LRRC63: variants seen among roughly 807,000 people sequenced by gnomAD.
LRRC63 encodes leucine-rich repeat-containing protein 63.
In LRRC63, 40 loss-of-function variants were observed where a neutral mutation model predicts 49.5. The ratio of observed to expected loss-of-function variants is 0.81; its 90% CI spans 0.63 to 1.05. The LOEUF (loss-of-function observed/expected upper bound fraction) is 1.05. LRRC63 is among the 50% of genes least tolerant of loss of function. The probability of loss-of-function intolerance (pLI) is 0.00; values close to 1 mark genes in which losing one functional copy is unlikely to be tolerated. For missense variants in LRRC63, 636 were observed against 663.1 expected, an observed-to-expected ratio of 0.96 and a Z score of 0.45; for synonymous variants, 191 against 221.1, an observed-to-expected ratio of 0.86 and a Z score of 1.21.
At chr13:46,224,125 T>C (rs1276126362) in intron 2 of LRRC63, among the ~76,000 whole-genome samples, 1 of 152,230 alleles carries the variant, frequency 6.6e-6, no homozygotes, top group East Asian at 1.9e-4. Flanking sequence ...GAAGTTTTCT[T>C]CTATTATTTA....
At chr13:46,270,621 G>T in intron 9 of LRRC63, 1 of 846,968 alleles carries the variant, frequency 1.2e-6, no homozygotes, top group South Asian at 1.3e-5. Context: ...GTGACGTCAT[G>T]AGGACTGACA....
At chr13:46,268,846 T>G (rs1324606961) in intron 9 of LRRC63, among the ~76,000 whole-genome samples, 1 of 148,402 alleles carries the variant, frequency 6.7e-6, no homozygotes, top group Non-Finnish European at 1.5e-5. Context: ...ATGTCTATGA[T>G]ATGGGGTTTA....
At chr13:46,243,140 A>G (rs954449179) in intron 5 of LRRC63, among the ~76,000 whole-genome samples, 1 of 152,224 alleles carries the variant, frequency 6.6e-6, no homozygotes, top group Non-Finnish European at 1.5e-5. Context: ...CTATGGAAGG[A>G]TGTAAGTTGA....
chr13:46,259,461 A>T (rs1373246269), intron 7 of LRRC63, among the ~76,000 whole-genome samples: 1 of 152,190 alleles, frequency 6.6e-6, no homozygotes, highest in Non-Finnish European at 1.5e-5. Context: ...AGCTACTTCA[A>T]CTGAGGGAGT....
chr13:46,265,188 C>T (rs1038239451), intron 8 of LRRC63, among the ~76,000 whole-genome samples: 4 of 152,016 alleles, frequency 2.6e-5, no homozygotes, highest in African/African-American at 9.7e-5. Context: ...GCCTGCCTAG[C>T]TCTCTTAGAA....
intron 8 of LRRC63, among the ~76,000 whole-genome samples, chr13:46,263,334 C>T (rs1253840880): frequency 6.6e-6 from 1 of 152,044 alleles, no homozygotes; most frequent in Non-Finnish European, 1.5e-5. Context: ...ACCAGCATGC[C>T]TCGCTAATTT....
chr13:46,246,073 G>A (rs537253747), intron 5 of LRRC63, among the ~76,000 whole-genome samples: 7 of 152,228 alleles, frequency 4.6e-5, no homozygotes, highest in Non-Finnish European at 7.4e-5. Context: ...GTTCTCATGA[G>A]ATCTGTTAGT....
At chr13:46,267,741 A>C (rs2138585632) in intron 9 of LRRC63, among the ~76,000 whole-genome samples, 1 of 152,356 alleles carries the variant, frequency 6.6e-6, no homozygotes, top group South Asian at 2.1e-4. Context: ...AGATGTCAAT[A>C]TTCATGAATG....
chr13:46,270,031 C>T (rs2047734789), intron 9 of LRRC63: 1 of 483,040 alleles, frequency 2.1e-6, no homozygotes, highest in South Asian at 2.2e-5. Context: ...ACATGCATAT[C>T]TATAATAAAG....
chr13:46,240,126 CTTTTTTTTTTT>C (rs35181820), intron 5 of LRRC63, among the ~76,000 whole-genome samples: 9,311 of 120,986 alleles, frequency 0.077, 679 homozygotes, highest in African/African-American at 0.23. Flanking sequence ...CTCTCTTTTT[CTTTTTTTTTTT>C]TTTTTTTTTG....
intron 7 of LRRC63, among the ~76,000 whole-genome samples, chr13:46,258,285 A>G (rs1449580958): frequency 6.6e-6 from 1 of 151,084 alleles, no homozygotes; most frequent in African/African-American, 2.4e-5. Context: ...ATGCGCCACC[A>G]TGCCTGGCTA....
chr13:46,239,592 A>G (rs2046997360), intron 5 of LRRC63, among the ~76,000 whole-genome samples: 2 of 152,176 alleles, frequency 1.3e-5, no homozygotes, highest in East Asian at 3.8e-4. Flanking sequence ...TGCTGAAACT[A>G]TTCCAAAAAA....
At chr13:46,257,205 G>A (rs1222669759) in intron 7 of LRRC63, among the ~76,000 whole-genome samples, 1 of 152,128 alleles carries the variant, frequency 6.6e-6, no homozygotes, top group Non-Finnish European at 1.5e-5. Flanking sequence ...TCAGCATACA[G>A]CCAACAAGAA....
rs1594091337 is a variant in LRRC63 at position 46,260,034 on chromosome 13, G to C, written c.1227-1875G>C. ...GGTACTGGTGGGACATAGAGTATCAGACCAAACAGGCTGTCTGAACAGATT... is the reference window on the plus strand; with the variant it reads ...GGTACTGGTGGGACATAGAGTATCACACCAAACAGGCTGTCTGAACAGATT... On this transcript the variant is annotated intron_variant, in intron 7 of 9. Coordinates refer to ENST00000595396, the Ensembl canonical transcript of LRRC63. Among the ~76,000 whole-genome samples, 3 of 152,172 alleles carry C rather than the reference G, an allele frequency of 2.0e-5. No individual in the cohort carries two copies. The South Asian group carries it at 6.2e-4, about 32-fold the overall frequency.
At chr13:46,237,112 A>G (rs1473856794) in intron 5 of LRRC63, among the ~76,000 whole-genome samples, 1 of 152,170 alleles carries the variant, frequency 6.6e-6, no homozygotes, top group Non-Finnish European at 1.5e-5. Context: ...AATTAAATAC[A>G]AAGAAGGCTG....
At chr13:46,246,674 T>C in intron 6 of LRRC63, 49 bp downstream of exon 6, 1 of 824,704 alleles carries the variant, frequency 1.2e-6, no homozygotes, top group Non-Finnish European at 1.7e-6. Context: ...TCGTGAATAA[T>C]AATTATAATA....
intron 5 of LRRC63, among the ~76,000 whole-genome samples, chr13:46,239,317 C>A (rs1347414483): frequency 6.6e-6 from 1 of 151,738 alleles, no homozygotes; most frequent in Non-Finnish European, 1.5e-5. Flanking sequence ...TACTCCTGAC[C>A]CCACAATAAT....
At chr13:46,268,693 T>C (rs1260186741) in intron 9 of LRRC63, among the ~76,000 whole-genome samples, 3 of 151,474 alleles carry the variant, frequency 2.0e-5, no homozygotes, top group African/African-American at 4.9e-5. Flanking sequence ...TCACAATAAA[T>C]TTTCACCAAA....
chr13:46,266,828 A>C (rs2047690328), exon 9 of LRRC63: 1 of 1,550,108 alleles, frequency 6.5e-7, no homozygotes, highest in African/African-American at 1.4e-5. Context: ...TTTGAGAATA[A>C]TTTCACTCAT....
Sources: gnomAD v4.1 joint callset for allele counts (sites outside exome capture counted in the v4.1 genomes callset) on GRCh38, gnomAD v4.1.1 for gene constraint, MANE v1.5 for transcripts, NCBI Gene and HGNC (gene_info 2026-07-23, HGNC 2026-07-21) for gene names.